The following RBM28 variants were observed in gnomAD, a reference collection of about 807,000 sequenced individuals.
RBM28 encodes the protein RNA-binding protein 28.
RBM28 carries 78 observed loss-of-function variants against 98.3 expected under a neutral mutation model. The ratio of observed to expected loss-of-function variants is 0.79; its 90% CI spans 0.66 to 0.96. RBM28 has a LOEUF of 0.96. Ranked by LOEUF, RBM28 falls within the 40% of genes least tolerant of loss-of-function variation. The pLI is 0.00. For missense variants in RBM28, 838 were observed against 913.0 expected (o/e 0.92, Z 1.06); for synonymous variants, 306 against 330.9 (o/e 0.92, Z 0.82).
chr7:128,317,036 T>C (rs146029200), intron 16 of RBM28, among the ~76,000 whole-genome samples: 19 of 152,260 alleles, frequency 1.2e-4, no homozygotes, highest in African/African-American at 4.1e-4. Flanking sequence ...AGAGAATGAG[T>C]ACTGACTGCG....
chr7:128,330,204 T>C (rs543634232), intron 10 of RBM28, among the ~76,000 whole-genome samples: 1 of 152,156 alleles, frequency 6.6e-6, no homozygotes, highest in East Asian at 1.9e-4. Context: ...TGTGGAATGA[T>C]TAGTACCTAT....
At chr7:128,325,792 T>C (rs1483563133) in intron 11 of RBM28, 26 bp downstream of exon 11, 6 of 1,580,314 alleles carry the variant, frequency 3.8e-6, no homozygotes, top group Non-Finnish European at 5.2e-6. Context: ...TCCTGTGTTA[T>C]AAGGTAAAGG....
At chr7:128,315,722 TCAC>T (rs1347192463) in intron 16 of RBM28, among the ~76,000 whole-genome samples, 6 of 151,722 alleles carry the variant, frequency 4.0e-5, no homozygotes, top group Non-Finnish European at 8.8e-5. Context: ...GAAAAAAAAA[TCAC>T]CAACCTACAA....
chr7:128,307,524 T>A lies in RBM28; in HGVS notation c.*3273A>T. On this transcript the variant is annotated 3_prime_UTR_variant, in exon 19 of 19. Transcript: ENST00000223073. ...AAGAATGAATCACATGCCCTAACTT[T>A]ATAATAGAGGAAGGCACAGATCTCA... 6.6e-6 allele frequency: 1 copy of A among 152,054 alleles called. No individual in the cohort carries two copies. Among genetic ancestry groups the A allele is most frequent in the East Asian group, 1.9e-4 (1 of 5,202 alleles). The allele number at this position is 152,054 out of a possible 1,614,324, so 9.4% of individuals were successfully genotyped here. A position where few individuals can be genotyped will look rare whatever the true frequency, so the allele number is the denominator to read the frequency against.
chr7:128,334,793 G>A (rs1205369843), intron 8 of RBM28, among the ~76,000 whole-genome samples: 2 of 152,198 alleles, frequency 1.3e-5, no homozygotes, highest in East Asian at 3.9e-4. Flanking sequence ...TGGAGACAGA[G>A]ACTTTAGGGA....
rs565044432 is a variant in RBM28 at position 128,339,165 on chromosome 7, TG to T, written c.372+61del. On this transcript the variant is annotated intron_variant, in intron 3 of 18. Transcript: ENST00000223073. ...CCATCTTGGTGAGGAGTTCTACTAATGATCACATCTTGGCTCTAAAAGCCTT... is the reference window on the plus strand; with the variant it reads ...CCATCTTGGTGAGGAGTTCTACTAATATCACATCTTGGCTCTAAAAGCCTT... The T allele has an allele frequency of 2.3e-3, 3,171 of 1,360,646 alleles. 83 individuals carry two copies. In the South Asian group the frequency reaches 0.035, roughly 15 times the overall value. 84.3% of individuals were successfully genotyped at this position (1,360,646 alleles called of 1,614,324 possible). A position where few individuals can be genotyped will look rare whatever the true frequency, so the allele number is the denominator to read the frequency against.
rs142357595 is a variant in RBM28 at position 128,300,399 on chromosome 7, T to A, written c.*10398A>T. 3.9e-5 allele frequency: 6 copies of A among 152,344 alleles called. No individual in the cohort carries two copies. The East Asian group carries it at 1.2e-3, about 29-fold the overall frequency. 9.4% of individuals were successfully genotyped at this position (152,344 alleles called of 1,614,324 possible). On this transcript the variant is annotated 3_prime_UTR_variant, in exon 19 of 19. Coordinates refer to ENST00000223073, the MANE Select transcript of RBM28 (RefSeq NM_018077.3). ...GATAGCTGGAATGTGAGCTCCCAAG[T>A]GGCTTGAGCTCACTCTGCTCAGGAC...
chr7:128,320,109 C>T (rs1008831431), intron 14 of RBM28, among the ~76,000 whole-genome samples: 3 of 150,206 alleles, frequency 2.0e-5, no homozygotes, highest in African/African-American at 2.5e-5. Context: ...CCCAGCTACT[C>T]GGGAAGCTGA....
At chr7:128,334,910 C>G (rs1352532858) in intron 8 of RBM28, among the ~76,000 whole-genome samples, 1 of 152,114 alleles carries the variant, frequency 6.6e-6, no homozygotes, top group Non-Finnish European at 1.5e-5. Context: ...CTTGTTCTCT[C>G]TCTCCCCTCG....
chr7:128,325,697 G>C (rs1358318267), intron 11 of RBM28, 121 bp downstream of exon 11: 2 of 731,490 alleles, frequency 2.7e-6, no homozygotes, highest in Non-Finnish European at 4.8e-6. Context: ...TGCTAAATAA[G>C]TGTTAGTTTT....
At chr7:128,326,302 C>CAA (rs773183550) in intron 10 of RBM28, among the ~76,000 whole-genome samples, 12 of 51,172 alleles carry the variant, frequency 2.3e-4, no homozygotes, top group African/African-American at 3.6e-4. Context: ...GACTCCGTCT[C>CAA]AAAAAAAAAA....
chr7:128,320,808 G>A (rs557322080), intron 14 of RBM28, among the ~76,000 whole-genome samples: 1 of 152,194 alleles, frequency 6.6e-6, no homozygotes, highest in Non-Finnish European at 1.5e-5. Flanking sequence ...ATTCTTAGAA[G>A]AAAAAGAACA....
At chr7:128,334,630 C>T (rs920346427) in intron 8 of RBM28, among the ~76,000 whole-genome samples, 1 of 152,158 alleles carries the variant, frequency 6.6e-6, no homozygotes, top group African/African-American at 2.4e-5. Context: ...GACCTGCCTT[C>T]CTCAATAAAC....
rs1795808822 is a variant in RBM28 at position 128,303,555 on chromosome 7, T to G, written c.*7242A>C. On this transcript the variant is annotated 3_prime_UTR_variant, in exon 19 of 19. Coordinates refer to ENST00000223073, the MANE Select transcript of RBM28 (RefSeq NM_018077.3). ...CAATTCTGCAAAACTGGTCCTTGGC[T>G]CGTCCTCCCTTGCCAGGATGAGACT... 6.6e-6 allele frequency: 1 copy of G among 152,214 alleles called. No individual in the cohort carries two copies. Among genetic ancestry groups the G allele is most frequent in the South Asian group, 2.1e-4 (1 of 4,830 alleles). The allele number at this position is 152,214 out of a possible 1,614,324, so 9.4% of individuals were successfully genotyped here. A position where few individuals can be genotyped will look rare whatever the true frequency, so the allele number is the denominator to read the frequency against.
In RBM28 at chr7:128,343,092, T is replaced by C. The variant is rs943663604; in HGVS notation, c.118+584A>G. Among the ~76,000 whole-genome samples, 8 of 152,334 alleles carry C rather than the reference T, an allele frequency of 5.3e-5. No homozygotes were observed. In the East Asian group the frequency reaches 1.5e-3, roughly 29 times the overall value. On this transcript the variant is annotated intron_variant, in intron 1 of 18. Transcript: ENST00000223073. Reference sequence around the variant, plus strand: ...CTTGAAGACATAAAATCAAAGATTTTTTTGGTTTGGTGTTGTGCACTGCTG... The same window carrying C: ...CTTGAAGACATAAAATCAAAGATTTCTTTGGTTTGGTGTTGTGCACTGCTG...
chr7:128,325,941 C>T (rs1796340580), intron 10 of RBM28, 50 bp from the exon 11 acceptor site: 7 of 1,424,456 alleles, frequency 4.9e-6, no homozygotes, highest in South Asian at 1.1e-5. Flanking sequence ...CACAGATAAA[C>T]CAAAGACAAC....
At chr7:128,338,383 G>C in intron 4 of RBM28, 41 bp from the exon 5 acceptor site, 1 of 1,510,744 alleles carries the variant, frequency 6.6e-7, no homozygotes. Context: ...GAGGCAGCAG[G>C]AGGTAGCCAG....
Position 128,335,526 on chromosome 7 carries a change from T to C in RBM28, c.946+17A>G. On this transcript the variant is annotated intron_variant, in intron 8 of 18. Transcript: ENST00000223073. ...CTTTTTTAAAGTCTAAAGACATTTA[T>C]GAAAATCCAAACAAACCTTTATCCT... is the stretch of plus-strand genomic sequence containing the variant. 6.2e-7 allele frequency: 1 copy of C among 1,614,186 alleles called. No homozygotes were observed. The highest frequency in any genetic ancestry group is 8.5e-7 in the Non-Finnish European group (1 of 1,180,008).
rs1472567922 is a variant in RBM28, at chr7:128,298,696, T to G, written c.*12101A>C. On this transcript the variant is annotated 3_prime_UTR_variant, in exon 19 of 19. Transcript: ENST00000223073. ...CTTAACTGAGAACAAGGGCTGCACA[T>G]GAACAAAACGCCTGCTTTAAAATGT... is the stretch of plus-strand genomic sequence containing the variant. 6.6e-6 allele frequency: 1 copy of G among 152,156 alleles called. No individual in the cohort carries two copies. Among genetic ancestry groups the G allele is most frequent in the Non-Finnish European group, 1.5e-5 (1 of 68,048 alleles). The allele number at this position is 152,156 out of a possible 1,614,324, so 9.4% of individuals were successfully genotyped here.
Sources: gnomAD v4.1 joint callset for allele counts (sites outside exome capture counted in the v4.1 genomes callset) on GRCh38, gnomAD v4.1.1 for gene constraint, MANE v1.5 for transcripts, NCBI Gene and HGNC (gene_info 2026-07-23, HGNC 2026-07-21) for gene names.